WDFY3: variants seen among roughly 807,000 people sequenced by gnomAD.
WDFY3 encodes the protein WD repeat and FYVE domain containing 3.
In WDFY3, 66 loss-of-function variants were observed where a neutral mutation model predicts 409.6. That is an observed-to-expected ratio of 0.16 (90% CI 0.13 to 0.20). The LOEUF (loss-of-function observed/expected upper bound fraction) is 0.20, where lower values mean the gene tolerates loss of function less well. Among genes scored for constraint, WDFY3 ranks in the 10% least tolerant of loss-of-function variants. The pLI, the probability that WDFY3 is intolerant of heterozygous loss-of-function variation, is 1.00. For missense variants in WDFY3, 3,031 were observed against 4,298.1 expected (o/e 0.71, Z 8.24); for synonymous variants, 1,521 against 1,537.1 (o/e 0.99, Z 0.25).
intron 1 of WDFY3, among the ~76,000 whole-genome samples, chr4:84,955,257 G>A (rs1276131435): frequency 1.3e-5 from 2 of 151,690 alleles, no homozygotes; most frequent in Non-Finnish European, 2.9e-5. Flanking sequence ...ATATGGTAGT[G>A]ACTAAATAAA....
At chr4:84,843,810 C>G (rs374235802) in intron 5 of WDFY3, among the ~76,000 whole-genome samples, 2 of 151,976 alleles carry the variant, frequency 1.3e-5, no homozygotes, top group African/African-American at 4.8e-5. Context: ...TTAAATAAAA[C>G]CTCCATAAAT....
chr4:84,765,852 G>C lies in WDFY3; in HGVS notation c.5146C>G (p.Gln1716Glu). The change falls in exon 32 of 68, where the codon CAG (glutamine) becomes GAG (glutamate). Residue 1716 changes from glutamine (Q) to glutamate (E), a missense_variant. Physicochemically the swap from Gln to Glu is conservative, Grantham distance 29 (BLOSUM62 2). Around this residue, in one of 16 missense-constraint regions of WDFY3, gnomAD observed 342 missense variants for 463.7 expected, o/e 0.74. Coordinates refer to ENST00000295888, the MANE Select transcript of WDFY3 (RefSeq NM_014991.6). Reference protein sequence around the residue: ...EGLSGGGWLEQTDSVLTNKIG... With the variant: ...EGLSGGGWLEETDSVLTNKIG... ...TTATTAGTTAAGACAGAATCTGTCT[G>C]TTCAAGCCATCCTCCACCACTGAGT... 1 of 1,613,922 alleles carries C rather than the reference G, an allele frequency of 6.2e-7. No individual in the cohort carries two copies. Among genetic ancestry groups the C allele is most frequent in the Non-Finnish European group, 8.5e-7 (1 of 1,179,926 alleles).
At chr4:84,802,515 G>A (rs10007879) in intron 16 of WDFY3, among the ~76,000 whole-genome samples, 71,436 of 151,444 alleles carry the variant, frequency 0.47, 19,714 homozygotes, top group South Asian at 0.63. Context: ...TGATACACCC[G>A]CCTCAGCCTC....
chr4:84,920,804 G>A (rs1216780081), intron 2 of WDFY3, among the ~76,000 whole-genome samples: 1 of 152,056 alleles, frequency 6.6e-6, no homozygotes, highest in Non-Finnish European at 1.5e-5. Flanking sequence ...CAACCCAAAG[G>A]AGAATTTCCT....
rs761381627 is a variant in WDFY3, at chr4:84,837,102, G to A, written c.415-12C>T. Reference sequence around the variant, plus strand: ...CAGTCCACGGTTTTCTGGAAAACAAGCCAATAAATAAGTGAATAGATAGAC... The same window carrying A: ...CAGTCCACGGTTTTCTGGAAAACAAACCAATAAATAAGTGAATAGATAGAC... On this transcript the variant is annotated splice_polypyrimidine_tract_variant and intron_variant, in intron 6 of 67. Transcript: ENST00000295888. 1 of 1,491,612 alleles carries A rather than the reference G, an allele frequency of 6.7e-7. No individual in the cohort carries two copies. 92.4% of individuals were successfully genotyped at this position (1,491,612 alleles called of 1,614,324 possible). A position where few individuals can be genotyped will look rare whatever the true frequency, so the allele number is the denominator to read the frequency against.
At chr4:84,691,811 G>A (rs1729309595) in intron 59 of WDFY3, 26 bp from the exon 60 acceptor site, 1 of 1,578,880 alleles carries the variant, frequency 6.3e-7, no homozygotes. Context: ...CATGGTATTA[G>A]GACAGGAACA....
At chr4:84,684,172 A>G (rs1323260605) in intron 62 of WDFY3, 47 bp from the exon 63 acceptor site, 1 of 1,456,024 alleles carries the variant, frequency 6.9e-7, no homozygotes, top group Non-Finnish European at 9.2e-7. Flanking sequence ...CCTTCCAATT[A>G]CCTTCTGGTT....
intron 38 of WDFY3, among the ~76,000 whole-genome samples, chr4:84,741,242 C>G (rs920073617): frequency 1.3e-5 from 2 of 151,630 alleles, no homozygotes; most frequent in Admixed American, 1.3e-4. Context: ...AATACCTAGG[C>G]AACTTTACAA....
intron 2 of WDFY3, among the ~76,000 whole-genome samples, chr4:84,899,792 T>C (rs1030066474): frequency 3.9e-5 from 6 of 151,984 alleles, no homozygotes; most frequent in African/African-American, 1.5e-4. Context: ...CCCAACACTT[T>C]GAAAAGCTGA....
rs572411063 is a variant in WDFY3, at chr4:84,761,638, T to C, written c.5188+4172A>G. Among the ~76,000 whole-genome samples the C allele has an allele frequency of 5.3e-5, 8 of 152,210 alleles. No individual in the cohort carries two copies. In the South Asian group the frequency reaches 1.2e-3, roughly 24 times the overall value. On this transcript the variant is annotated intron_variant, in intron 32 of 67. Coordinates refer to ENST00000295888, the MANE Select transcript of WDFY3 (RefSeq NM_014991.6). ...GGATCTAATTAAACTAAAGAGCTTC[T>C]GCACAGCAAAGGAAACTACCATCAG...
At chr4:84,746,909 T>C (rs546639700) in intron 36 of WDFY3, among the ~76,000 whole-genome samples, 9 of 152,196 alleles carry the variant, frequency 5.9e-5, no homozygotes, top group Admixed American at 3.9e-4. Flanking sequence ...TCTCAGTTTC[T>C]GTGAAGCCAA....
chr4:84,784,921 TACAC>T (rs1747285489), intron 24 of WDFY3, among the ~76,000 whole-genome samples: 1 of 108,694 alleles, frequency 9.2e-6, no homozygotes, highest in Non-Finnish European at 1.9e-5. Context: ...CACACACACA[TACAC>T]ACCTTGAATC....
chr4:84,793,068 C>T (rs1423669205), intron 21 of WDFY3, among the ~76,000 whole-genome samples: 3 of 152,198 alleles, frequency 2.0e-5, no homozygotes, highest in Non-Finnish European at 4.4e-5. Context: ...AGGCATATTA[C>T]AGTAAGACTT....
chr4:84,889,335 A>C (rs182631754), intron 3 of WDFY3, among the ~76,000 whole-genome samples: 1 of 152,332 alleles, frequency 6.6e-6, no homozygotes, highest in African/African-American at 2.4e-5. Context: ...ATGATATTAC[A>C]CATCTGCAGA....
At chr4:84,787,844 AG>A in intron 22 of WDFY3, 131 bp from the exon 23 acceptor site, 2 of 809,412 alleles carry the variant, frequency 2.5e-6, no homozygotes, top group South Asian at 3.7e-5. Flanking sequence ...TTTGGGGTGG[AG>A]AAACAGGAAG....
intron 6 of WDFY3, among the ~76,000 whole-genome samples, chr4:84,840,611 C>T (rs1757198441): frequency 6.6e-6 from 1 of 152,016 alleles, no homozygotes; most frequent in Non-Finnish European, 1.5e-5. Flanking sequence ...GAGACAGGGT[C>T]TCACTCTGTC....
At chr4:84,739,841 C>T (rs1444186116) in intron 39 of WDFY3, among the ~76,000 whole-genome samples, 1 of 152,174 alleles carries the variant, frequency 6.6e-6, no homozygotes, top group African/African-American at 2.4e-5. Flanking sequence ...CTGAAAAATA[C>T]TAATTTTACT....
intron 5 of WDFY3, chr4:84,844,372 G>A: frequency 8.2e-7 from 1 of 1,212,708 alleles, no homozygotes; most frequent in Non-Finnish European, 1.1e-6. Flanking sequence ...CCACAAGTTA[G>A]TCAGAAAAAC....
chr4:84,702,956 C>T (rs1297601823), intron 55 of WDFY3, among the ~76,000 whole-genome samples: 7 of 151,910 alleles, frequency 4.6e-5, no homozygotes, highest in African/African-American at 1.7e-4. Flanking sequence ...ATTAGCCTGG[C>T]GAGGTGGCGG....
Sources: allele counts gnomAD v4.1 joint callset (sites outside exome capture counted in the v4.1 genomes callset), GRCh38; gene constraint gnomAD v4.1.1; regional missense constraint gnomAD v4.1.1; transcripts MANE v1.5; gene names NCBI Gene and HGNC (gene_info 2026-07-23, HGNC 2026-07-21).